The following ST6GALNAC3 variants were observed in gnomAD, a reference collection of about 807,000 sequenced individuals.
ST6GALNAC3 encodes ST6 N-acetylgalactosaminide alpha-2,6-sialyltransferase 3, also known as alpha-N-acetylgalactosaminide alpha-2,6-sialyltransferase 3.
In ST6GALNAC3, 25 loss-of-function variants were observed where a neutral mutation model predicts 32.7. That is an observed-to-expected ratio of 0.76 (90% CI 0.56 to 1.07). The LOEUF is 1.07. Ranked by LOEUF, ST6GALNAC3 falls within the 50% of genes least tolerant of loss-of-function variation. ST6GALNAC3 has a pLI of 0.00. For synonymous variants in ST6GALNAC3, 129 were observed against 133.1 expected (o/e 0.97, Z 0.21); for missense variants, 355 against 382.4 (o/e 0.93, Z 0.60).
At chr1:76,482,544 C>T (rs908178809) in intron 3 of ST6GALNAC3, among the ~76,000 whole-genome samples, 1 of 152,234 alleles carries the variant, frequency 6.6e-6, no homozygotes, top group Non-Finnish European at 1.5e-5. Context: ...GGCATTGTTG[C>T]ATTTAATACA....
chr1:76,313,004 C>T (rs1167684981), intron 1 of ST6GALNAC3, among the ~76,000 whole-genome samples: 1 of 152,108 alleles, frequency 6.6e-6, no homozygotes, highest in Non-Finnish European at 1.5e-5. Context: ...GTTTTTCTTC[C>T]ATGGCAGTAT....
intron 2 of ST6GALNAC3, among the ~76,000 whole-genome samples, chr1:76,342,978 T>G (rs1269930690): frequency 6.6e-6 from 1 of 152,174 alleles, no homozygotes; most frequent in Non-Finnish European, 1.5e-5. Flanking sequence ...ATATTAGCCC[T>G]TTGTCAGATG....
chr1:76,289,985 T>C (rs1421656337), intron 1 of ST6GALNAC3, among the ~76,000 whole-genome samples: 3 of 152,210 alleles, frequency 2.0e-5, no homozygotes, highest in Non-Finnish European at 2.9e-5. Context: ...ATAGTAAAAG[T>C]TCACATCTAC....
intron 3 of ST6GALNAC3, among the ~76,000 whole-genome samples, chr1:76,490,589 C>T (rs1007160622): frequency 1.3e-5 from 2 of 151,532 alleles, no homozygotes; most frequent in African/African-American, 4.8e-5. Flanking sequence ...CCACCTCTCC[C>T]TTTAAAATAT....
intron 2 of ST6GALNAC3, among the ~76,000 whole-genome samples, chr1:76,346,322 C>T (rs1648509812): frequency 6.6e-6 from 1 of 152,158 alleles, no homozygotes; most frequent in African/African-American, 2.4e-5. Flanking sequence ...TCCAACAGAG[C>T]TGTGTCCATG....
intron 1 of ST6GALNAC3, among the ~76,000 whole-genome samples, chr1:76,112,095 G>T (rs1406229187): frequency 1.4e-5 from 2 of 147,858 alleles, no homozygotes; most frequent in Non-Finnish European, 3.0e-5. Flanking sequence ...CTCCCGGACG[G>T]GGCGGCTGGC....
At chr1:76,297,512 T>C (rs1420174567) in intron 1 of ST6GALNAC3, among the ~76,000 whole-genome samples, 1 of 152,004 alleles carries the variant, frequency 6.6e-6, no homozygotes, top group African/African-American at 2.4e-5. Flanking sequence ...ATGACATAAG[T>C]ATAGAATAAG....
At chr1:76,395,045 T>C (rs1411872353) in intron 2 of ST6GALNAC3, among the ~76,000 whole-genome samples, 1 of 152,238 alleles carries the variant, frequency 6.6e-6, no homozygotes, top group Admixed American at 6.5e-5. Context: ...TCCTCTTTTT[T>C]CATCTTTAAA....
chr1:76,116,341 T>C (rs1648476339), intron 1 of ST6GALNAC3, among the ~76,000 whole-genome samples: 1 of 152,110 alleles, frequency 6.6e-6, no homozygotes, highest in Admixed American at 6.6e-5. Flanking sequence ...AAAAAAGACA[T>C]GTAGGGGACA....
At chr1:76,583,461 A>G (rs1191997374) in intron 3 of ST6GALNAC3, among the ~76,000 whole-genome samples, 2 of 152,210 alleles carry the variant, frequency 1.3e-5, no homozygotes, top group African/African-American at 2.4e-5. Flanking sequence ...AGGGATTGGT[A>G]TAAGTCCTTT....
intron 1 of ST6GALNAC3, among the ~76,000 whole-genome samples, chr1:76,311,802 G>A (rs893745284): frequency 1.1e-4 from 16 of 152,214 alleles, no homozygotes; most frequent in Non-Finnish European, 5.9e-5. Flanking sequence ...ACCCAGTAAC[G>A]GGATTGCTAG....
chr1:76,397,369 C>CTTTTTTTT (rs66473246), intron 2 of ST6GALNAC3, among the ~76,000 whole-genome samples: 1 of 124,092 alleles, frequency 8.1e-6, no homozygotes, highest in Non-Finnish European at 1.6e-5. Context: ...CTATAAGATG[C>CTTTTTTTT]TTTTTTTTTT....
At chr1:76,513,279 C>T (rs1277658527) in intron 3 of ST6GALNAC3, among the ~76,000 whole-genome samples, 1 of 152,072 alleles carries the variant, frequency 6.6e-6, no homozygotes. Flanking sequence ...TTACAATTAG[C>T]CTTTAATCCA....
At chr1:76,262,120 C>G (rs985171341) in intron 1 of ST6GALNAC3, among the ~76,000 whole-genome samples, 2 of 152,122 alleles carry the variant, frequency 1.3e-5, no homozygotes, top group African/African-American at 4.8e-5. Flanking sequence ...TAATAGGTAC[C>G]ATTTATTGAG....
Position 76,454,624 on chromosome 1 carries a change from G to C in ST6GALNAC3, c.623+42207G>C, listed in dbSNP as rs1657640494. Among the ~76,000 whole-genome samples the C allele has an allele frequency of 2.0e-5, 3 of 152,112 alleles. No individual in the cohort carries two copies. In the South Asian group the frequency reaches 6.2e-4, roughly 32 times the overall value. On this transcript the variant is annotated intron_variant, in intron 3 of 4. Coordinates refer to ENST00000328299, the MANE Select transcript of ST6GALNAC3 (RefSeq NM_152996.4). ...GAAAATAGGGCCCAAATCCCTTCTA[G>C]CTTGTAAGGATTCTGTTGAGAAATC...
At chr1:76,363,842 C>G (rs1386005289) in intron 2 of ST6GALNAC3, among the ~76,000 whole-genome samples, 1 of 152,106 alleles carries the variant, frequency 6.6e-6, no homozygotes, top group Non-Finnish European at 1.5e-5. Context: ...AGAGGTGCTA[C>G]ACACTTTTAA....
chr1:76,323,311 G>A (rs1286982652), intron 2 of ST6GALNAC3, among the ~76,000 whole-genome samples: 1 of 152,264 alleles, frequency 6.6e-6, no homozygotes, highest in South Asian at 2.1e-4. Context: ...TAATACCTCA[G>A]TGGTTAGGTT....
At chr1:76,263,168 C>A (rs1658340834) in intron 1 of ST6GALNAC3, among the ~76,000 whole-genome samples, 2 of 152,110 alleles carry the variant, frequency 1.3e-5, no homozygotes, top group Admixed American at 6.5e-5. Flanking sequence ...TTCAAGTCCT[C>A]TGCTACTGTT....
At chr1:76,524,015 T>A (rs190792140) in intron 3 of ST6GALNAC3, among the ~76,000 whole-genome samples, 3 of 152,274 alleles carry the variant, frequency 2.0e-5, no homozygotes, top group Non-Finnish European at 4.4e-5. Flanking sequence ...TTCCAATGAT[T>A]TTAGCCTCTC....
Sources: allele counts gnomAD v4.1 joint callset (sites outside exome capture counted in the v4.1 genomes callset), GRCh38; gene constraint gnomAD v4.1.1; transcripts MANE v1.5; gene names NCBI Gene and HGNC (gene_info 2026-07-23, HGNC 2026-07-21).